Variants in MTAP observed in about 807,000 individuals in gnomAD.
MTAP encodes methylthioadenosine phosphorylase, also known as S-methyl-5'-thioadenosine phosphorylase.
MTAP carries 33 observed loss-of-function variants against 33.6 expected under a neutral mutation model. The observed-to-expected ratio is 0.98, with a 90% CI of 0.74 to 1.31. The LOEUF (loss-of-function observed/expected upper bound fraction) is 1.31, where lower values mean the gene tolerates loss of function less well. Among genes scored for constraint, MTAP ranks in the 40% most tolerant of loss-of-function variants. The pLI is 0.00. For missense variants in MTAP, 367 were observed against 360.0 expected (o/e 1.02, Z -0.16); for synonymous variants, 148 against 125.7 (o/e 1.18, Z -1.19).
intron 1 of MTAP, among the ~76,000 whole-genome samples, chr9:21,910,818 A>G (rs1253646355): frequency 1.3e-5 from 2 of 152,084 alleles, no homozygotes; most frequent in Non-Finnish European, 1.5e-5. Flanking sequence ...CAAAATCACC[A>G]TATCTATTAG....
At chr9:21,819,145 T>C (rs1824563971) in intron 4 of MTAP, among the ~76,000 whole-genome samples, 1 of 152,002 alleles carries the variant, frequency 6.6e-6, no homozygotes, top group South Asian at 2.1e-4. Context: ...TTCTTTTTTT[T>C]TTTTTTAATT....
chr9:21,865,272 C>A lies in MTAP; in HGVS notation c.*3258C>A. On this transcript the variant is annotated 3_prime_UTR_variant, in exon 8 of 8. Coordinates refer to ENST00000644715, the MANE Select transcript of MTAP (RefSeq NM_002451.4). Reference sequence around the variant, plus strand: ...CTTTTCCCCCTTTTGCTCAACACTTCTTCCTGCCATCATGTGAAGAAGGAC... The same window carrying A: ...CTTTTCCCCCTTTTGCTCAACACTTATTCCTGCCATCATGTGAAGAAGGAC... 1 of 438,282 alleles carries A rather than the reference C, an allele frequency of 2.3e-6. No individual in the cohort carries two copies. Among genetic ancestry groups the A allele is most frequent in the Non-Finnish European group, 3.0e-6 (1 of 330,188 alleles). 27.1% of individuals were successfully genotyped at this position (438,282 alleles called of 1,614,324 possible). A position where few individuals can be genotyped will look rare whatever the true frequency, so the allele number is the denominator to read the frequency against.
intron 2 of MTAP, 36 bp from the exon 3 acceptor site, chr9:21,816,678 T>A: frequency 6.3e-7 from 1 of 1,586,454 alleles, no homozygotes; most frequent in African/African-American, 1.3e-5. Context: ...TGTTTTTAAA[T>A]CACTGAGTTA....
At chr9:21,903,076 T>C (rs997714606) in intron 1 of MTAP, among the ~76,000 whole-genome samples, 2 of 152,250 alleles carry the variant, frequency 1.3e-5, no homozygotes, top group Non-Finnish European at 2.9e-5. Flanking sequence ...TCTCCTTAAG[T>C]ATAGTGATTA....
downstream of MTAP, chr9:21,931,841 T>G (rs1363797735): frequency 6.6e-6 from 1 of 152,208 alleles, no homozygotes; most frequent in East Asian, 1.9e-4. Context: ...CTTGCCTCAG[T>G]CTTTCACTCT....
At chr9:21,884,385 A>G (rs1818072758) in intron 1 of MTAP, among the ~76,000 whole-genome samples, 1 of 152,236 alleles carries the variant, frequency 6.6e-6, no homozygotes, top group African/African-American at 2.4e-5. Flanking sequence ...TAAAATCAAC[A>G]AAGTAGAGCT....
downstream of MTAP, chr9:21,935,176 T>C (rs1011311079): frequency 1.3e-5 from 2 of 152,180 alleles, no homozygotes; most frequent in Non-Finnish European, 2.9e-5. Flanking sequence ...TCAATTGAAT[T>C]CTATTGAATA....
intron 1 of MTAP, among the ~76,000 whole-genome samples, chr9:21,903,766 G>C (rs914032477): frequency 1.3e-5 from 2 of 152,158 alleles, no homozygotes; most frequent in Admixed American, 6.5e-5. Flanking sequence ...GCATACAGAT[G>C]GGCAGGTTGC....
Position 21,854,563 on chromosome 9 carries a change from G to C in MTAP, c.451-68G>C, listed in dbSNP as rs188107813. 4.4e-4 allele frequency: 646 copies of C among 1,465,086 alleles called. 10 individuals are homozygous for C. The East Asian group carries it at 9.3e-3, about 21-fold the overall frequency. 90.8% of individuals were successfully genotyped at this position (1,465,086 alleles called of 1,614,324 possible). ...TAAGAAATCAACTTGGTAAACATTG[G>C]GGGGAAGTGCAGCCTTAAGTTGTGC... On this transcript the variant is annotated intron_variant, in intron 5 of 7. Transcript: ENST00000644715.
chr9:21,895,626 C>G (rs562803816), intron 1 of MTAP, among the ~76,000 whole-genome samples: 3 of 152,306 alleles, frequency 2.0e-5, no homozygotes, highest in East Asian at 3.9e-4. Context: ...CTGTGCTTTT[C>G]CAATGACCTT....
At chr9:21,881,417 G>A (rs1251551253) in intron 1 of MTAP, among the ~76,000 whole-genome samples, 1 of 151,932 alleles carries the variant, frequency 6.6e-6, no homozygotes, top group Non-Finnish European at 1.5e-5. Context: ...AATGGAACTA[G>A]ATCAAACTTT....
chr9:21,835,464 T>C (rs1825082360), intron 4 of MTAP, among the ~76,000 whole-genome samples: 1 of 152,126 alleles, frequency 6.6e-6, no homozygotes, highest in Admixed American at 6.5e-5. Context: ...AGAAATATGA[T>C]TCTTAATATA....
intron 1 of MTAP, among the ~76,000 whole-genome samples, chr9:21,885,963 A>C (rs987587459): frequency 6.6e-6 from 1 of 152,030 alleles, no homozygotes; most frequent in Non-Finnish European, 1.5e-5. Context: ...TCCTCTGGGT[A>C]GACATAGATA....
At chr9:21,830,028 G>C (rs933995242) in intron 4 of MTAP, among the ~76,000 whole-genome samples, 1 of 152,156 alleles carries the variant, frequency 6.6e-6, no homozygotes, top group Admixed American at 6.5e-5. Flanking sequence ...TGGAAAAAGA[G>C]GTAGAGAGTG....
chr9:21,859,360 T>C lies in MTAP; in HGVS notation c.748T>C (p.Leu250=). Residue 250 remains leucine, a synonymous_variant, in exon 7 of 8, where the codon TTA becomes CTA. Coordinates refer to ENST00000644715, the MANE Select transcript of MTAP (RefSeq NM_002451.4). The part of the protein sequence containing the change: ...LKENANKAKS[L]LLTTIPQIGS... ...AGAAAACGCTAATAAAGCCAAAAGC[T>C]TACTGCTCACTACCATACCTCAGAT... 1 of 1,613,680 alleles carries C rather than the reference T, an allele frequency of 6.2e-7. No homozygotes were observed. Among genetic ancestry groups the C allele is most frequent in the African/African-American group, 1.3e-5 (1 of 75,018 alleles).
At position 21,846,823 on chromosome 9, in the gene MTAP, A is replaced by G. The variant is rs114249818; in HGVS notation, c.451-7808A>G. On this transcript the variant is annotated intron_variant, in intron 5 of 7. Coordinates refer to ENST00000644715, the MANE Select transcript of MTAP (RefSeq NM_002451.4). ...CAACTTACAATTGTAAAAACTATGG[A>G]ACCAACCTAAATGCCCGTTGACCAA... Among the ~76,000 whole-genome samples, 781 of 152,340 alleles carry G rather than the reference A, an allele frequency of 5.1e-3. 3 individuals are homozygous for G. Among genetic ancestry groups the G allele is most frequent in the African/African-American group, 0.018 (739 of 41,576 alleles).
intron 1 of MTAP, among the ~76,000 whole-genome samples, chr9:21,911,495 A>G (rs1587291389): frequency 6.6e-6 from 1 of 152,292 alleles, no homozygotes; most frequent in East Asian, 1.9e-4. Flanking sequence ...CCGCTCAACT[A>G]CATGTAAACT....
chr9:21,886,039 C>G (rs767074335), intron 1 of MTAP, among the ~76,000 whole-genome samples: 1 of 151,928 alleles, frequency 6.6e-6, no homozygotes, highest in Non-Finnish European at 1.5e-5. Context: ...AATCTCCACA[C>G]TGTTTTCCAC....
chr9:21,880,382 A>G (rs1408817272), intron 1 of MTAP, among the ~76,000 whole-genome samples: 2 of 152,170 alleles, frequency 1.3e-5, no homozygotes, highest in Non-Finnish European at 2.9e-5. Flanking sequence ...AGTTACAGCA[A>G]CAGAAAATGG....
Sources: allele counts gnomAD v4.1 joint callset (sites outside exome capture counted in the v4.1 genomes callset), GRCh38; gene constraint gnomAD v4.1.1; transcripts MANE v1.5; gene names NCBI Gene and HGNC (gene_info 2026-07-23, HGNC 2026-07-21).